ARHGAP12: variants seen among roughly 807,000 people sequenced by gnomAD.
ARHGAP12 encodes rho GTPase-activating protein 12.
Under a neutral mutation model 108.6 loss-of-function variants are expected in ARHGAP12, and 64 were observed. The ratio of observed to expected loss-of-function variants is 0.59; its 90% CI spans 0.48 to 0.73. The LOEUF is 0.73. Among genes scored for constraint, ARHGAP12 ranks in the 30% least tolerant of loss-of-function variants. ARHGAP12 has a pLI of 0.00. For missense variants in ARHGAP12, 940 were observed against 1,005.9 expected (o/e 0.93, Z 0.89); for synonymous variants, 312 against 337.2 (o/e 0.93, Z 0.82).
In ARHGAP12 at chr10:31,805,648, T is replaced by TCA. The variant is rs3028478; in HGVS notation, c.*2008_*2009dup. 34,399 of 143,962 alleles carry TCA rather than the reference T, an allele frequency of 0.24. 4,357 individuals carry two copies. Among genetic ancestry groups the TCA allele is most frequent in the Non-Finnish European group, 0.28 (18,477 of 66,400 alleles). The allele number at this position is 143,962 out of a possible 1,614,324, so 8.9% of individuals were successfully genotyped here. On this transcript the variant is annotated 3_prime_UTR_variant, in exon 20 of 20. Coordinates refer to ENST00000344936, the MANE Select transcript of ARHGAP12 (RefSeq NM_018287.7). ...GTAGACTAATAAAACATTTAAGACTTCACACACACACACACACACACACAC... is the reference window on the plus strand; with the variant it reads ...GTAGACTAATAAAACATTTAAGACTTCACACACACACACACACACACACACAC...
At chr10:31,834,145 C>T (rs1277574775) in intron 9 of ARHGAP12, among the ~76,000 whole-genome samples, 1 of 152,148 alleles carries the variant, frequency 6.6e-6, no homozygotes, top group Non-Finnish European at 1.5e-5. Flanking sequence ...ATCTCCACTT[C>T]AATGTTACTT....
chr10:31,893,080 C>T (rs1298955494), intron 3 of ARHGAP12, among the ~76,000 whole-genome samples: 1 of 152,152 alleles, frequency 6.6e-6, no homozygotes, highest in Non-Finnish European at 1.5e-5. Context: ...ATACCAGAAT[C>T]TCTGGGACAC....
intron 1 of ARHGAP12, among the ~76,000 whole-genome samples, chr10:31,922,402 ATTTTTTT>A (rs376445093): frequency 7.0e-6 from 1 of 142,390 alleles, no homozygotes; most frequent in South Asian, 2.2e-4. Flanking sequence ...AAGTAGACAA[ATTTTTTT>A]TTTTTTTTTA....
At chr10:31,840,084 G>T (rs1836203573) in intron 7 of ARHGAP12, among the ~76,000 whole-genome samples, 1 of 151,926 alleles carries the variant, frequency 6.6e-6, no homozygotes, top group Non-Finnish European at 1.5e-5. Flanking sequence ...CTTGCTCTTG[G>T]TATGGTAAGT....
intron 3 of ARHGAP12, among the ~76,000 whole-genome samples, chr10:31,889,832 C>T (rs1838345943): frequency 6.6e-6 from 1 of 151,536 alleles, no homozygotes; most frequent in South Asian, 2.1e-4. Context: ...GATCTGCCCA[C>T]CTCAGCCTCC....
At chr10:31,831,651 CTAT>C (rs1370386479) in intron 10 of ARHGAP12, 85 bp downstream of exon 10, 4 of 800,406 alleles carry the variant, frequency 5.0e-6, no homozygotes, top group African/African-American at 1.8e-5. Flanking sequence ...TCTTCAGCAC[CTAT>C]TGTTTATACT....
In ARHGAP12 at chr10:31,854,173, A is replaced by G. The variant is rs1836800623; in HGVS notation, c.982T>C (p.Ser328Pro). The change falls in exon 5 of 20, where the codon TCT becomes CCT. Residue 328 changes from serine to proline, a missense_variant. By Grantham distance (74) the Ser-to-Pro change is moderately conservative. Coordinates refer to ENST00000344936, the MANE Select transcript of ARHGAP12 (RefSeq NM_018287.7). ...LSSEENYYSTSYSQSDSQCGS... is the reference protein window; with the variant it reads ...LSSEENYYSTPYSQSDSQCGS... ...CACTGACTATCTGACTGGCTGTAAG[A>G]AGTGCTGTAGTAGTTTTCTTCCGAT... is the stretch of plus-strand genomic sequence containing the variant. 1 of 1,613,206 alleles carries G rather than the reference A, an allele frequency of 6.2e-7. No individual in the cohort carries two copies. Among genetic ancestry groups the G allele is most frequent in the African/African-American group, 1.3e-5 (1 of 75,004 alleles).
At chr10:31,863,432 C>T (rs1026157508) in intron 3 of ARHGAP12, among the ~76,000 whole-genome samples, 12 of 152,094 alleles carry the variant, frequency 7.9e-5, no homozygotes, top group African/African-American at 2.7e-4. Flanking sequence ...AATAAAGATG[C>T]TAAGAAACAG....
chr10:31,845,807 T>C (rs919768392), intron 6 of ARHGAP12, among the ~76,000 whole-genome samples: 4 of 152,044 alleles, frequency 2.6e-5, no homozygotes, highest in Non-Finnish European at 5.9e-5. Flanking sequence ...AAAGAAAGAA[T>C]AGTGATTTCC....
At chr10:31,871,206 T>C (rs1244717408) in intron 3 of ARHGAP12, among the ~76,000 whole-genome samples, 1 of 152,220 alleles carries the variant, frequency 6.6e-6, no homozygotes, top group African/African-American at 2.4e-5. Flanking sequence ...CAACACTTTA[T>C]TGTTCTTCGG....
At chr10:31,820,723 T>C (rs1018503477) in intron 11 of ARHGAP12, among the ~76,000 whole-genome samples, 1 of 148,726 alleles carries the variant, frequency 6.7e-6, no homozygotes, top group African/African-American at 2.4e-5. Context: ...TATATATATA[T>C]ATATATATAT....
chr10:31,906,183 C>A (rs1432358809), intron 3 of ARHGAP12, among the ~76,000 whole-genome samples: 2 of 152,188 alleles, frequency 1.3e-5, no homozygotes, highest in African/African-American at 2.4e-5. Flanking sequence ...CCAGCCCCAG[C>A]CTTCATTAGG....
intron 1 of ARHGAP12, among the ~76,000 whole-genome samples, chr10:31,915,493 T>G (rs1031804048): frequency 3.3e-5 from 5 of 151,048 alleles, no homozygotes; most frequent in African/African-American, 1.2e-4. Context: ...CATAGTCAAA[T>G]AGGAGGAATA....
chr10:31,832,246 G>A (rs1174133341), intron 9 of ARHGAP12, among the ~76,000 whole-genome samples: 2 of 152,172 alleles, frequency 1.3e-5, no homozygotes, highest in East Asian at 3.9e-4. Flanking sequence ...TAAAAATAGG[G>A]AGACCAAATA....
chr10:31,916,521 T>C (rs1839563640), intron 1 of ARHGAP12, among the ~76,000 whole-genome samples: 1 of 152,214 alleles, frequency 6.6e-6, no homozygotes, highest in Non-Finnish European at 1.5e-5. Flanking sequence ...TCAGCAAATG[T>C]TGTCTTTCTC....
At chr10:31,839,459 G>C (rs757240381) in intron 8 of ARHGAP12, 140 bp from the exon 9 acceptor site, 61 of 1,088,658 alleles carry the variant, frequency 5.6e-5, no homozygotes, top group Non-Finnish European at 7.1e-5. Context: ...TTAAACAAAA[G>C]GGGGACTTTT....
intron 3 of ARHGAP12, among the ~76,000 whole-genome samples, chr10:31,896,038 A>G (rs916597772): frequency 1.3e-5 from 2 of 151,796 alleles, no homozygotes; most frequent in Middle Eastern, 3.4e-3. Context: ...GAAATGAACA[A>G]TGAGAACACT....
At chr10:31,922,021 A>T (rs902820305) in intron 1 of ARHGAP12, among the ~76,000 whole-genome samples, 1 of 150,806 alleles carries the variant, frequency 6.6e-6, no homozygotes, top group Non-Finnish European at 1.5e-5. Flanking sequence ...GAAACCCCAT[A>T]TCTACCAAAA....
intron 3 of ARHGAP12, among the ~76,000 whole-genome samples, chr10:31,874,150 C>A (rs1837639831): frequency 6.6e-6 from 1 of 152,170 alleles, no homozygotes; most frequent in African/African-American, 2.4e-5. Context: ...GGTGAGGCTT[C>A]TGGTGGCAGC....
Sources: gnomAD v4.1 joint callset for allele counts (sites outside exome capture counted in the v4.1 genomes callset) on GRCh38, gnomAD v4.1.1 for gene constraint, MANE v1.5 for transcripts, NCBI Gene and HGNC (gene_info 2026-07-23, HGNC 2026-07-21) for gene names.